Variants in SLC38A6 observed in about 807,000 individuals in gnomAD.
SLC38A6 encodes the protein N system amino acid transporter NAT-1.
A neutral mutation model predicts 65.0 loss-of-function variants in SLC38A6; 73 were observed. That is an observed-to-expected ratio of 1.12 (90% CI 0.93 to 1.37). The LOEUF (loss-of-function observed/expected upper bound fraction) is 1.37, where lower values mean the gene tolerates loss of function less well. Among genes scored for constraint, SLC38A6 ranks in the 40% most tolerant of loss-of-function variants. The pLI, the probability that SLC38A6 is intolerant of heterozygous loss-of-function variation, is 0.00. For missense variants in SLC38A6, 561 were observed against 531.1 expected (o/e 1.06, Z -0.55); for synonymous variants, 183 against 178.8 (o/e 1.02, Z -0.19).
chr14:61,053,737 G>A (rs921142220), downstream of SLC38A6, among the ~76,000 whole-genome samples: 28 of 152,064 alleles, frequency 1.8e-4, no homozygotes, highest in African/African-American at 6.8e-4. Flanking sequence ...TAATGGGGTG[G>A]TTTTTCTCTT....
intron 3 of SLC38A6, among the ~76,000 whole-genome samples, chr14:61,014,985 A>G (rs1189297778): frequency 6.6e-6 from 1 of 152,164 alleles, no homozygotes; most frequent in African/African-American, 2.4e-5. Flanking sequence ...CTAGAGGTGG[A>G]GTCTACAGAG....
chr14:61,014,538 A>T (rs866651521), intron 3 of SLC38A6, among the ~76,000 whole-genome samples: 1 of 151,934 alleles, frequency 6.6e-6, no homozygotes, highest in Non-Finnish European at 1.5e-5. Context: ...GTCTTTGATG[A>T]TGGTGACGTA....
intron 5 of SLC38A6, among the ~76,000 whole-genome samples, chr14:61,021,942 ACTCCAGT>A (rs1374538264): frequency 1.3e-5 from 2 of 151,928 alleles, no homozygotes; most frequent in Non-Finnish European, 2.9e-5. Context: ...AATTCTGTCT[ACTCCAGT>A]CTCTGCCATT....
chr14:61,051,711 T>C, intron 13 of SLC38A6, 76 bp from the exon 14 acceptor site: 2 of 1,527,670 alleles, frequency 1.3e-6, no homozygotes, highest in South Asian at 1.2e-5. Context: ...TCATGGTTGT[T>C]GTATATGTTT....
At chr14:61,000,702 C>T (rs1217769778) in intron 3 of SLC38A6, among the ~76,000 whole-genome samples, 1 of 152,156 alleles carries the variant, frequency 6.6e-6, no homozygotes, top group Non-Finnish European at 1.5e-5. Context: ...ACGTACTGGA[C>T]ACTGACACAT....
intron 6 of SLC38A6, among the ~76,000 whole-genome samples, chr14:61,035,578 A>T (rs2041300262): frequency 1.3e-5 from 2 of 152,120 alleles, no homozygotes; most frequent in African/African-American, 4.8e-5. Flanking sequence ...ACATATAATC[A>T]TTGTTTTTCC....
intron 3 of SLC38A6, among the ~76,000 whole-genome samples, chr14:60,997,613 T>A (rs1310027505): frequency 6.6e-6 from 1 of 152,212 alleles, no homozygotes; most frequent in Admixed American, 6.5e-5. Flanking sequence ...TTGAGTAGAT[T>A]AGCAGTCAGG....
chr14:60,982,185 AT>A, intron 1 of SLC38A6: 1 of 471,330 alleles, frequency 2.1e-6, no homozygotes, highest in Non-Finnish European at 4.2e-6. Flanking sequence ...CTGAGGCCTT[AT>A]CCCTCCTCTC....
At chr14:61,020,233 G>T (rs541403561) in intron 5 of SLC38A6, among the ~76,000 whole-genome samples, 1 of 152,176 alleles carries the variant, frequency 6.6e-6, no homozygotes, top group Non-Finnish European at 1.5e-5. Context: ...TGTATATGTT[G>T]TAAAGAAGTT....
intron 16 of SLC38A6, among the ~76,000 whole-genome samples, chr14:61,082,157 C>A (rs1053702104): frequency 6.6e-6 from 1 of 152,068 alleles, no homozygotes; most frequent in Admixed American, 6.5e-5. Flanking sequence ...AATATTAGCA[C>A]CCCCGCACCA....
chr14:61,068,310 G>A (rs544522007), intron 15 of SLC38A6, among the ~76,000 whole-genome samples: 8 of 152,114 alleles, frequency 5.3e-5, no homozygotes, highest in African/African-American at 1.7e-4. Flanking sequence ...ATACTGCAAA[G>A]TAGTTGTTTA....
At chr14:61,068,808 G>A (rs1457784144) in intron 15 of SLC38A6, among the ~76,000 whole-genome samples, 1 of 152,184 alleles carries the variant, frequency 6.6e-6, no homozygotes, top group East Asian at 1.9e-4. Flanking sequence ...TCAGAGCTTA[G>A]GACAGTGCCT....
chr14:61,017,871 G>A (rs2040112136), intron 4 of SLC38A6, among the ~76,000 whole-genome samples: 1 of 152,070 alleles, frequency 6.6e-6, no homozygotes, highest in East Asian at 1.9e-4. Context: ...TCCACAGTTG[G>A]GTTGAAACTT....
intron 3 of SLC38A6, among the ~76,000 whole-genome samples, chr14:60,995,088 A>G (rs1307264041): frequency 6.6e-6 from 1 of 152,210 alleles, no homozygotes; most frequent in Non-Finnish European, 1.5e-5. Flanking sequence ...TATACTGTCA[A>G]GTGAAAGAAA....
rs551940207 is a variant in SLC38A6 at position 61,040,364 on chromosome 14, G to C, written c.624+2681G>C. Among the ~76,000 whole-genome samples, 1,406 of 147,314 alleles carry C rather than the reference G, an allele frequency of 9.5e-3. 18 individuals carry two copies. Among genetic ancestry groups the C allele is most frequent in the Non-Finnish European group, 0.011 (725 of 66,764 alleles). ...TTTTTTTTTTTTTTTTTTTGAGATG[G>C]AGTCTCACTCTGTCACCCAGGCTGG... On this transcript the variant is annotated intron_variant, in intron 8 of 15. Transcript: ENST00000267488.
At chr14:61,020,178 A>T (rs1478316629) in intron 5 of SLC38A6, among the ~76,000 whole-genome samples, 1 of 152,190 alleles carries the variant, frequency 6.6e-6, no homozygotes, top group African/African-American at 2.4e-5. Context: ...ACAGTTACTG[A>T]GTAAATGTAT....
downstream of SLC38A6, among the ~76,000 whole-genome samples, chr14:61,053,145 G>C (rs1293181210): frequency 6.6e-6 from 1 of 151,946 alleles, no homozygotes; most frequent in Non-Finnish European, 1.5e-5. Flanking sequence ...TTCTTTTCCT[G>C]TGTGTGTTTG....
chr14:61,011,978 C>T (rs1284086389), intron 3 of SLC38A6, among the ~76,000 whole-genome samples: 3 of 152,116 alleles, frequency 2.0e-5, no homozygotes, highest in African/African-American at 7.2e-5. Context: ...CTCCTTGTAC[C>T]TCTGGTAAAA....
At chr14:60,983,113 C>T (rs970036213) in intron 2 of SLC38A6, among the ~76,000 whole-genome samples, 1 of 152,126 alleles carries the variant, frequency 6.6e-6, no homozygotes, top group Admixed American at 6.5e-5. Flanking sequence ...GCTTGTAGGC[C>T]AGTTTGCCCA....
Sources: allele counts gnomAD v4.1 joint callset (sites outside exome capture counted in the v4.1 genomes callset), GRCh38; gene constraint gnomAD v4.1.1; transcripts MANE v1.5; gene names NCBI Gene and HGNC (gene_info 2026-07-23, HGNC 2026-07-21).